C1orf52: variants seen among roughly 807,000 people sequenced by gnomAD.
The protein encoded by C1orf52 is UPF0690 protein C1orf52.
C1orf52 carries 5 observed loss-of-function variants against 17.2 expected under a neutral mutation model. The ratio of observed to expected loss-of-function variants is 0.29; its 90% CI spans 0.15 to 0.61. The LOEUF (loss-of-function observed/expected upper bound fraction) is 0.61, where lower values mean the gene tolerates loss of function less well. Among genes scored for constraint, C1orf52 ranks in the 20% least tolerant of loss-of-function variants. The pLI, the probability that C1orf52 is intolerant of heterozygous loss-of-function variation, is 0.85. For synonymous variants in C1orf52, 110 were observed against 88.0 expected (o/e 1.25, Z -1.40); for missense variants, 245 against 234.1 (o/e 1.05, Z -0.30).
chr1:85,252,891 A>ATT (rs995297985), intron 2 of C1orf52, among the ~76,000 whole-genome samples, 189 bp from the exon 3 acceptor site: 1 of 150,664 alleles, frequency 6.6e-6, no homozygotes, highest in African/African-American at 2.4e-5. Flanking sequence ...AAAGTGAGCA[A>ATT]TTTTTTTTTT....
At chr1:85,258,755 C>G in intron 1 of C1orf52, 33 bp from the exon 2 acceptor site, 1 of 1,554,244 alleles carries the variant, frequency 6.4e-7, no homozygotes, top group South Asian at 1.2e-5. Context: ...AGCACTGTGA[C>G]GAACCGAGGT....
intron 1 of C1orf52, 188 bp downstream of exon 1, chr1:85,259,170 C>G (rs1289041549): frequency 1.8e-6 from 2 of 1,104,930 alleles, no homozygotes; most frequent in Non-Finnish European, 2.5e-6. Flanking sequence ...GCTGCGGGTC[C>G]GGTCTAACAC....
At chr1:85,258,410 T>C in intron 2 of C1orf52, 114 bp downstream of exon 2, 1 of 1,018,580 alleles carries the variant, frequency 9.8e-7, no homozygotes, top group Non-Finnish European at 1.5e-6. Context: ...CCAAAGACCA[T>C]CAAATTAGTT....
At chr1:85,253,150 T>C (rs973488758) in intron 2 of C1orf52, among the ~76,000 whole-genome samples, 9 of 152,236 alleles carry the variant, frequency 5.9e-5, no homozygotes, top group Admixed American at 1.3e-4. Flanking sequence ...GAAGGGGCTT[T>C]ATTGGCCCAA....
At chr1:85,258,759 C>G (rs1223885029) in intron 1 of C1orf52, 37 bp from the exon 2 acceptor site, 1 of 1,546,838 alleles carries the variant, frequency 6.5e-7, no homozygotes, top group Non-Finnish European at 8.7e-7. Context: ...CTGTGACGAA[C>G]CGAGGTTCCT....
chr1:85,256,526 A>G (rs571396178), intron 2 of C1orf52, among the ~76,000 whole-genome samples: 20 of 152,328 alleles, frequency 1.3e-4, no homozygotes, highest in Non-Finnish European at 2.1e-4. Context: ...ATGGCCGGGC[A>G]CGGTGGCTCA....
chr1:85,253,645 G>A (rs981937775), intron 2 of C1orf52, among the ~76,000 whole-genome samples: 2 of 152,122 alleles, frequency 1.3e-5, no homozygotes, highest in Non-Finnish European at 2.9e-5. Context: ...TTAAAACAAT[G>A]TTCTTTACAC....
At chr1:85,259,291 CAGGGGGCTCAGGAGAA>C in intron 1 of C1orf52, 51 bp downstream of exon 1, 1 of 1,529,878 alleles carries the variant, frequency 6.5e-7, no homozygotes, top group Admixed American at 1.9e-5. Context: ...AGGTCCCCAG[CAGGGGGCTCAGGAGAA>C]AGGGGGCGCA....
At chr1:85,254,244 G>A (rs1659870730) in intron 2 of C1orf52, among the ~76,000 whole-genome samples, 1 of 152,124 alleles carries the variant, frequency 6.6e-6, no homozygotes, top group South Asian at 2.1e-4. Context: ...ATGGATTTAT[G>A]TAGGCAGTGG....
At chr1:85,253,734 ACT>A (rs1338150159) in intron 2 of C1orf52, among the ~76,000 whole-genome samples, 1 of 151,646 alleles carries the variant, frequency 6.6e-6, no homozygotes, top group Non-Finnish European at 1.5e-5. Flanking sequence ...GGAAAAGTGA[ACT>A]CTTTTATTGT....
chr1:85,259,154 G>C (rs1339710161), intron 1 of C1orf52: 5 of 1,174,176 alleles, frequency 4.3e-6, no homozygotes, highest in African/African-American at 3.1e-5. Flanking sequence ...CCTCACAAGG[G>C]GCGGGGCTGC....
Position 85,250,845 on chromosome 1 carries a change from G to A in C1orf52, c.*1784C>T, listed in dbSNP as rs544530546. ...ATACTATGGTCTTGCTTTGTCACTT[G>A]ATGCCACTCCTTAGTATATGATACC... On this transcript the variant is annotated 3_prime_UTR_variant, in exon 3 of 3. Coordinates refer to ENST00000471115, the MANE Select transcript of C1orf52 (RefSeq NM_198077.4). 2.0e-5 allele frequency: 3 copies of A among 152,268 alleles called. No individual in the cohort carries two copies. The South Asian group carries it at 6.2e-4, about 32-fold the overall frequency. The allele number at this position is 152,268 out of a possible 1,614,324, so 9.4% of individuals were successfully genotyped here. A position where few individuals can be genotyped will look rare whatever the true frequency, so the allele number is the denominator to read the frequency against.
Position 85,259,356 on chromosome 1 carries a change from A to C in C1orf52, c.276+2T>G. 6.2e-7 allele frequency: 1 copy of C among 1,607,998 alleles called. No homozygotes were observed. Among genetic ancestry groups the C allele is most frequent in the Non-Finnish European group, 8.5e-7 (1 of 1,175,110 alleles). On this transcript the variant is annotated splice_donor_variant, in intron 1 of 2. Transcript: ENST00000471115. LOFTEE classifies it high-confidence loss of function. ...ACCGAGAAACGGGGTCGGGGACCTC[A>C]CCTCCTCAGGCGCCTTGACGACGTG...
At chr1:85,256,032 A>G (rs192456294) in intron 2 of C1orf52, among the ~76,000 whole-genome samples, 1 of 152,346 alleles carries the variant, frequency 6.6e-6, no homozygotes, top group East Asian at 1.9e-4. Flanking sequence ...TTTCCATATA[A>G]CTACAAAGAT....
At chr1:85,256,814 A>AAAAAAAG (rs1553178011) in intron 2 of C1orf52, among the ~76,000 whole-genome samples, 18 of 108,178 alleles carry the variant, frequency 1.7e-4, no homozygotes, top group East Asian at 2.4e-4. Context: ...AAAAAAAAAA[A>AAAAAAAG]AAAAGAAAAG....
intron 2 of C1orf52, among the ~76,000 whole-genome samples, chr1:85,256,781 T>A (rs1466663930): frequency 1.4e-4 from 17 of 120,442 alleles, no homozygotes; most frequent in Non-Finnish European, 2.4e-4. Context: ...CCTGGGCGAC[T>A]GACCGAGACT....
intron 2 of C1orf52, among the ~76,000 whole-genome samples, chr1:85,253,427 T>G (rs1659850444): frequency 6.6e-6 from 1 of 152,124 alleles, no homozygotes; most frequent in South Asian, 2.1e-4. Flanking sequence ...AAATCCTTAT[T>G]TTGAGGTTAA....
In C1orf52 at chr1:85,251,411, G is replaced by A. The variant is rs1400435824; in HGVS notation, c.*1218C>T. 2.0e-5 allele frequency: 3 copies of A among 152,272 alleles called. No individual in the cohort carries two copies. The highest frequency in any genetic ancestry group is 1.9e-4 in the East Asian group (1 of 5,174). 9.4% of individuals were successfully genotyped at this position (152,272 alleles called of 1,614,324 possible). A position where few individuals can be genotyped will look rare whatever the true frequency, so the allele number is the denominator to read the frequency against. On this transcript the variant is annotated 3_prime_UTR_variant, in exon 3 of 3. Coordinates refer to ENST00000471115, the MANE Select transcript of C1orf52 (RefSeq NM_198077.4). Reference sequence around the variant, plus strand: ...TAATTCTTATCTCTTAAGGGCTTCAGATTCATGGAAAGATTGATGCAGAGT... The same window carrying A: ...TAATTCTTATCTCTTAAGGGCTTCAAATTCATGGAAAGATTGATGCAGAGT...
chr1:85,253,615 G>T (rs919310230), intron 2 of C1orf52, among the ~76,000 whole-genome samples: 4 of 152,132 alleles, frequency 2.6e-5, no homozygotes, highest in African/African-American at 7.2e-5. Context: ...AGGGGAGGGA[G>T]GTTAGAGAAG....
Sources: allele counts gnomAD v4.1 joint callset (sites outside exome capture counted in the v4.1 genomes callset), GRCh38; gene constraint gnomAD v4.1.1; transcripts MANE v1.5; gene names NCBI Gene and HGNC (gene_info 2026-07-23, HGNC 2026-07-21).